PILRB: variants seen among roughly 807,000 people sequenced by gnomAD.
PILRB encodes paired immunoglobin like type 2 receptor beta, also known as paired immunoglobulin-like type 2 receptor beta.
A neutral mutation model predicts 20.5 loss-of-function variants in PILRB; 21 were observed. The ratio of observed to expected loss-of-function variants is 1.02; its 90% confidence interval spans 0.72 to 1.47. The LOEUF (loss-of-function observed/expected upper bound fraction) is 1.47. Among genes scored for constraint, PILRB ranks in the 40% most tolerant of loss-of-function variants. PILRB has a pLI of 0.00. For synonymous variants in PILRB, 133 were observed against 115.1 expected (o/e 1.16, Z -0.99); for missense variants, 253 against 272.1 (o/e 0.93, Z 0.49).
chr7:100,359,123 G>C, intron 2 of PILRB, 44 bp downstream of exon 2: 1 of 1,611,488 alleles, frequency 6.2e-7, no homozygotes, highest in Non-Finnish European at 8.5e-7. Context: ...ACCGCAGTGA[G>C]GGTTTTGGTG....
intron 3 of PILRB, among the ~76,000 whole-genome samples, chr7:100,361,890 C>A (rs1016424653): frequency 6.6e-6 from 1 of 152,000 alleles, no homozygotes; most frequent in African/African-American, 2.4e-5. Context: ...ATTTTATAAC[C>A]ATAGAGTGGA....
chr7:100,363,132 TAAAAA>T (rs771904107), intron 3 of PILRB, among the ~76,000 whole-genome samples: 1 of 85,060 alleles, frequency 1.2e-5, no homozygotes, highest in Non-Finnish European at 2.4e-5. Context: ...CATCTCTACT[TAAAAA>T]AAAAAAAAAA....
In PILRB at chr7:100,367,480, G is replaced by A. The variant is rs1350869270; in HGVS notation, c.*103G>A. 1 of 758,406 alleles carries A rather than the reference G, an allele frequency of 1.3e-6. No individual in the cohort carries two copies. The highest frequency in any genetic ancestry group is 1.7e-5 in the African/African-American group (1 of 58,682). The allele number at this position is 758,406 out of a possible 1,614,324, so 47.0% of individuals were successfully genotyped here. Reference sequence around the variant, plus strand: ...CTCGTTCCCCATTGGCAAGATACATGGAGAGCACCCTGAGGACCTTTAAAA... The same window carrying A: ...CTCGTTCCCCATTGGCAAGATACATAGAGAGCACCCTGAGGACCTTTAAAA... On this transcript the variant is annotated 3_prime_UTR_variant, in exon 4 of 4. Coordinates refer to ENST00000609309, the MANE Select transcript of PILRB (RefSeq NM_178238.4).
At chr7:100,361,231 G>A (rs528885891) in intron 3 of PILRB, among the ~76,000 whole-genome samples, 3 of 151,796 alleles carry the variant, frequency 2.0e-5, no homozygotes, top group Non-Finnish European at 2.9e-5. Context: ...CACCGCACCC[G>A]GCCAGTTTGG....
intron 3 of PILRB, among the ~76,000 whole-genome samples, chr7:100,366,054 A>G (rs986486576): frequency 4.0e-5 from 6 of 151,418 alleles, no homozygotes; most frequent in Non-Finnish European, 4.4e-5. Flanking sequence ...CCCAGGGTCA[A>G]GCAATTCTTC....
chr7:100,367,306 A>G, intron 3 of PILRB, 43 bp from the exon 4 acceptor site: 1 of 780,562 alleles, frequency 1.3e-6, no homozygotes, highest in Non-Finnish European at 2.4e-6. Flanking sequence ...CTGCCTCACT[A>G]ATAATCCTGG....
Position 100,367,644 on chromosome 7 carries a change from T to G in PILRB, c.*267T>G, listed in dbSNP as rs1790735281. ...TCTGAACTCCACTGAATTAAACCAC[T>G]GGCATTTGGGGGCTGTTTATTATAG... is the stretch of plus-strand genomic sequence containing the variant. On this transcript the variant is annotated 3_prime_UTR_variant, in exon 4 of 4. Transcript: ENST00000609309. 4 of 492,172 alleles carry G rather than the reference T, an allele frequency of 8.1e-6. No individual in the cohort carries two copies. In the Middle Eastern group the frequency reaches 1.6e-3, roughly 201 times the overall value. The allele number at this position is 492,172 out of a possible 1,614,324, so 30.5% of individuals were successfully genotyped here.
intron 3 of PILRB, among the ~76,000 whole-genome samples, chr7:100,361,178 G>A (rs1036366476): frequency 3.9e-5 from 6 of 151,970 alleles, no homozygotes; most frequent in Non-Finnish European, 5.9e-5. Flanking sequence ...CTCGTGATCC[G>A]CCTGCCTCGG....
chr7:100,359,571 T>C (rs1281274885), intron 3 of PILRB, 34 bp downstream of exon 3: 1 of 1,583,994 alleles, frequency 6.3e-7, no homozygotes, highest in African/African-American at 1.3e-5. Context: ...TCCTCAAGCT[T>C]CCCAGCTGGG....
At chr7:100,366,584 G>A (rs1180288850) in intron 3 of PILRB, among the ~76,000 whole-genome samples, 1 of 152,134 alleles carries the variant, frequency 6.6e-6, no homozygotes, top group East Asian at 1.9e-4. Flanking sequence ...AGCCAGAGGG[G>A]AGGGGAGGCC....
In PILRB at chr7:100,367,355, G is replaced by A. The variant is rs367710547; in HGVS notation, c.662G>A (p.Arg221Lys). ...LLWWRRRKGS[R>K]APSSDF Reference sequence around the variant, plus strand: ...AACACTTCCCCTCCTGCAGGTAGCAGGGCGCCAAGCAGTGACTTCTGACCA... The same window carrying A: ...AACACTTCCCCTCCTGCAGGTAGCAAGGCGCCAAGCAGTGACTTCTGACCA... Residue 221 changes from arginine to lysine, a missense_variant, in exon 4 of 4, where the codon AGG (arginine) becomes AAG (lysine). Coordinates refer to ENST00000609309, the MANE Select transcript of PILRB (RefSeq NM_178238.4). 1.8e-5 allele frequency: 14 copies of A among 780,862 alleles called. No homozygotes were observed. Among genetic ancestry groups the A allele is most frequent in the Non-Finnish European group, 3.3e-5 (14 of 418,060 alleles). 48.4% of individuals were successfully genotyped at this position (780,862 alleles called of 1,614,324 possible).
Position 100,359,088 on chromosome 7 carries a change from A to G in PILRB, c.454+9A>G. 6.2e-7 allele frequency: 1 copy of G among 1,613,934 alleles called. No individual in the cohort carries two copies. The highest frequency in any genetic ancestry group is 8.5e-7 in the Non-Finnish European group (1 of 1,179,980). On this transcript the variant is annotated intron_variant, in intron 2 of 3. Transcript: ENST00000609309. The stretch of plus-strand genomic sequence containing the variant: ...ACTCACCATCACCCAGGGTGAGTCC[A>G]GCTGCCCTGACACCTGCCTTGCCCA...
chr7:100,358,311 G>A lies in PILRB; in HGVS notation c.9G>A (p.Arg3=). The change falls in exon 1 of 4, where the codon CGG becomes CGA. Residue 3 remains arginine, a synonymous_variant. Coordinates refer to ENST00000609309, the MANE Select transcript of PILRB (RefSeq NM_178238.4). ...TGGAGAAGAACAAGGCCATGGGTCG[G>A]CCCCTGCTGCTGCCCCTGCTGCTCC... MG[R]PLLLPLLLLL... is the part of the protein sequence containing the mutation. 1 of 1,612,648 alleles carries A rather than the reference G, an allele frequency of 6.2e-7. No individual in the cohort carries two copies. The highest frequency in any genetic ancestry group is 8.5e-7 in the Non-Finnish European group (1 of 1,179,910).
At chr7:100,365,556 C>T (rs552275540) in intron 3 of PILRB, among the ~76,000 whole-genome samples, 4 of 152,210 alleles carry the variant, frequency 2.6e-5, no homozygotes, top group African/African-American at 7.2e-5. Flanking sequence ...TGGTGGCTCA[C>T]GCCTGTGAGG....
At chr7:100,361,605 A>G (rs1459479323) in intron 3 of PILRB, among the ~76,000 whole-genome samples, 2 of 152,214 alleles carry the variant, frequency 1.3e-5, no homozygotes, top group Non-Finnish European at 2.9e-5. Context: ...AGGCAGGAGA[A>G]TTGCTTGAAC....
chr7:100,367,647 C>T lies in PILRB; in HGVS notation c.*270C>T. The T allele has an allele frequency of 2.0e-6, 1 of 488,966 alleles. No individual in the cohort carries two copies. The highest frequency in any genetic ancestry group is 3.3e-5 in the South Asian group (1 of 29,934). 30.3% of individuals were successfully genotyped at this position (488,966 alleles called of 1,614,324 possible). The stretch of plus-strand genomic sequence containing the variant: ...GAACTCCACTGAATTAAACCACTGG[C>T]ATTTGGGGGCTGTTTATTATAGCAG... On this transcript the variant is annotated 3_prime_UTR_variant, in exon 4 of 4. Coordinates refer to ENST00000609309, the MANE Select transcript of PILRB (RefSeq NM_178238.4).
intron 3 of PILRB, among the ~76,000 whole-genome samples, chr7:100,362,814 C>T (rs1790566437): frequency 1.3e-5 from 2 of 151,978 alleles, no homozygotes; most frequent in African/African-American, 4.8e-5. Context: ...AGCCTGAACA[C>T]CCTTTCCTGG....
intron 3 of PILRB, among the ~76,000 whole-genome samples, chr7:100,362,148 C>T: frequency 6.6e-6 from 1 of 151,982 alleles, no homozygotes; most frequent in Non-Finnish European, 1.5e-5. Flanking sequence ...TGAGGTTCAA[C>T]AAGAGGTAGG....
Position 100,358,208 on chromosome 7 carries a change from C to G in PILRB, c.-95C>G. On this transcript the variant is annotated 5_prime_UTR_variant, in exon 1 of 4. Coordinates refer to ENST00000609309, the MANE Select transcript of PILRB (RefSeq NM_178238.4). ...TGGGGAGCCTCACCCTGGCTCTCCCCACTCACCTCAGCCCTCAGGCAGCCC... is the reference window on the plus strand; with the variant it reads ...TGGGGAGCCTCACCCTGGCTCTCCCGACTCACCTCAGCCCTCAGGCAGCCC... 3 of 1,475,090 alleles carry G rather than the reference C, an allele frequency of 2.0e-6. No individual in the cohort carries two copies. The highest frequency in any genetic ancestry group is 2.8e-6 in the Non-Finnish European group (3 of 1,064,562). The allele number at this position is 1,475,090 out of a possible 1,614,324, so 91.4% of individuals were successfully genotyped here. A position where few individuals can be genotyped will look rare whatever the true frequency, so the allele number is the denominator to read the frequency against.
Sources: gnomAD v4.1 joint callset for allele counts (sites outside exome capture counted in the v4.1 genomes callset) on GRCh38, gnomAD v4.1.1 for gene constraint, MANE v1.5 for transcripts, NCBI Gene and HGNC (gene_info 2026-07-23, HGNC 2026-07-21) for gene names.